Variants in IFT22 observed in about 807,000 individuals in gnomAD.
IFT22 encodes intraflagellar transport protein 22 homolog.
A neutral mutation model predicts 21.0 loss-of-function variants in IFT22; 13 were observed. That is an observed-to-expected ratio of 0.62 (90% confidence interval 0.40 to 0.98). IFT22 has a LOEUF of 0.98. Among genes scored for constraint, IFT22 ranks in the 50% least tolerant of loss-of-function variants. IFT22 has a pLI of 0.00. For missense variants in IFT22, 227 were observed against 228.9 expected (o/e 0.99, Z 0.06); for synonymous variants, 67 against 82.4 (o/e 0.81, Z 1.01).
rs1007478917 is a variant in IFT22, at chr7:101,312,540, T to G, written c.*2594A>C. ...AATGTTTTGGAGAGAGTTGTTTTTT[T>G]TTTTTTTTTTTTTGTGACGGAGTCT... On this transcript the variant is annotated 3_prime_UTR_variant, in exon 5 of 5. Coordinates refer to ENST00000315322, the MANE Select transcript of IFT22 (RefSeq NM_022777.4). 4.8e-5 allele frequency among the ~76,000 whole-genome samples: 7 copies of G among 146,178 alleles called. No homozygotes were observed. Among genetic ancestry groups the G allele is most frequent in the African/African-American group, 1.5e-4 (6 of 39,122 alleles).
In IFT22 at chr7:101,320,495, G is replaced by A. The variant is rs1013075399; in HGVS notation, c.39+1176C>T. On this transcript the variant is annotated intron_variant, in intron 1 of 4. Coordinates refer to ENST00000315322, the MANE Select transcript of IFT22 (RefSeq NM_022777.4). ...AGGATGGTCTCGATCTCCTGACCTT[G>A]TGATATGCCTGCCTCGGCCTCCCAA... 5.5e-4 allele frequency among the ~76,000 whole-genome samples: 82 copies of A among 149,568 alleles called. No individual in the cohort carries two copies. The Middle Eastern group carries it at 0.01, about 19-fold the overall frequency.
chr7:101,315,654 C>T (rs1790122669), intron 4 of IFT22: 1 of 242,366 alleles, frequency 4.1e-6, no homozygotes, highest in Non-Finnish European at 8.0e-6. Context: ...CCTAGTTGTA[C>T]CCAAGAATAG....
In IFT22 at chr7:101,311,213, G is replaced by C. The variant is rs1024978681; in HGVS notation, c.*3921C>G. On this transcript the variant is annotated 3_prime_UTR_variant, in exon 5 of 5. Transcript: ENST00000315322. ...TTTCACTGTTAGCCAGGATGGTCTCGATCTCTTAACCTCGTAATCCACCCG... is the reference window on the plus strand; with the variant it reads ...TTTCACTGTTAGCCAGGATGGTCTCCATCTCTTAACCTCGTAATCCACCCG... Among the ~76,000 whole-genome samples, 1 of 151,930 alleles carries C rather than the reference G, an allele frequency of 6.6e-6. No individual in the cohort carries two copies. Among genetic ancestry groups the C allele is most frequent in the Non-Finnish European group, 1.5e-5 (1 of 67,996 alleles).
chr7:101,310,957 G>A lies in IFT22; in HGVS notation c.*4177C>T, dbSNP rs1789966375. On this transcript the variant is annotated 3_prime_UTR_variant, in exon 5 of 5. Coordinates refer to ENST00000315322, the MANE Select transcript of IFT22 (RefSeq NM_022777.4). The stretch of plus-strand genomic sequence containing the variant: ...TCAAATATTTAATGGGTTGTACTCT[G>A]GCCATTCAGGTGAACAAAATCTGCT... 2 of 311,440 alleles carry A rather than the reference G, an allele frequency of 6.4e-6. No individual in the cohort carries two copies. Among genetic ancestry groups the A allele is most frequent in the South Asian group, 2.8e-5 (1 of 35,934 alleles). The allele number at this position is 311,440 out of a possible 1,614,324, so 19.3% of individuals were successfully genotyped here. A position where few individuals can be genotyped will look rare whatever the true frequency, so the allele number is the denominator to read the frequency against.
chr7:101,313,855 C>G lies in IFT22; in HGVS notation c.*1279G>C, dbSNP rs1188549583. On this transcript the variant is annotated 3_prime_UTR_variant, in exon 5 of 5. Coordinates refer to ENST00000315322, the MANE Select transcript of IFT22 (RefSeq NM_022777.4). ...AAACTTATTTAGACTTCTTCTTAAA[C>G]ATTTAATGTAATTTAATTTATTTGA... 2 of 142,168 alleles carry G rather than the reference C, an allele frequency of 1.4e-5. No homozygotes were observed. The highest frequency in any genetic ancestry group is 5.6e-5 in the African/African-American group (2 of 35,466). The allele number at this position is 142,168 out of a possible 1,614,324, so 8.8% of individuals were successfully genotyped here.
In IFT22 at chr7:101,313,208, G is replaced by C. The variant is rs745564488; in HGVS notation, c.*1926C>G. The stretch of plus-strand genomic sequence containing the variant: ...ACAGGTGTGTGCCAACATGCCTGGC[G>C]AATTTTTGTATTTTTAGTAGAGATG... On this transcript the variant is annotated 3_prime_UTR_variant, in exon 5 of 5. Coordinates refer to ENST00000315322, the MANE Select transcript of IFT22 (RefSeq NM_022777.4). Among the ~76,000 whole-genome samples the C allele has an allele frequency of 6.6e-6, 1 of 151,776 alleles. No individual in the cohort carries two copies. Among genetic ancestry groups the C allele is most frequent in the Non-Finnish European group, 1.5e-5 (1 of 67,954 alleles).
Position 101,312,528 on chromosome 7 carries a change from G to C in IFT22, c.*2606C>G, listed in dbSNP as rs556431310. 7.2e-4 allele frequency among the ~76,000 whole-genome samples: 100 copies of C among 138,024 alleles called. No homozygotes were observed. Among genetic ancestry groups the C allele is most frequent in the African/African-American group, 2.5e-3 (94 of 37,322 alleles). The allele number at this position is 138,024 out of a possible 152,430, so 90.5% of individuals were successfully genotyped here. The stretch of plus-strand genomic sequence containing the variant: ...CTAAATAAATATAATGTTTTGGAGA[G>C]AGTTGTTTTTTTTTTTTTTTTTTTT... On this transcript the variant is annotated 3_prime_UTR_variant, in exon 5 of 5. Transcript: ENST00000315322.
intron 4 of IFT22, 48 bp downstream of exon 4, chr7:101,316,292 T>C (rs1234975094): frequency 1.3e-6 from 2 of 1,576,018 alleles, no homozygotes; most frequent in East Asian, 2.2e-5. Context: ...TATGTAGGTG[T>C]CCAAAACATT....
intron 4 of IFT22, chr7:101,316,139 C>T (rs1584309789): frequency 1.8e-6 from 1 of 561,198 alleles, no homozygotes; most frequent in Non-Finnish European, 3.2e-6. Context: ...GCTGGGAGTA[C>T]AGGCGCCTGC....
chr7:101,318,028 A>G (rs1790213266), intron 3 of IFT22, 96 bp downstream of exon 3: 1 of 1,040,378 alleles, frequency 9.6e-7, no homozygotes, highest in African/African-American at 1.6e-5. Flanking sequence ...TTGGCCTCCC[A>G]AAGTGCTGGA....
Position 101,313,090 on chromosome 7 carries a change from T to A in IFT22, c.*2044A>T, listed in dbSNP as rs1790023660. On this transcript the variant is annotated 3_prime_UTR_variant, in exon 5 of 5. Transcript: ENST00000315322. ...CTCAGGATTTCCACCCGTCTCAGAC[T>A]CCCAAAGTGTTGGGATTACAGGCGT... 1.3e-5 allele frequency among the ~76,000 whole-genome samples: 2 copies of A among 152,282 alleles called. No individual in the cohort carries two copies. The highest frequency in any genetic ancestry group is 4.8e-5 in the African/African-American group (2 of 41,590).
At position 101,312,283 on chromosome 7, in the gene IFT22, T is replaced by G. The variant is rs551447120; in HGVS notation, c.*2851A>C. On this transcript the variant is annotated 3_prime_UTR_variant, in exon 5 of 5. Coordinates refer to ENST00000315322, the MANE Select transcript of IFT22 (RefSeq NM_022777.4). ...GCCAGGCGTGCACTAATTAGTGGGC[T>G]GGACCATTACTGGTGTGTGTATCTC... 6.0e-4 allele frequency among the ~76,000 whole-genome samples: 91 copies of G among 152,174 alleles called. No individual in the cohort carries two copies. Among genetic ancestry groups the G allele is most frequent in the African/African-American group, 2.1e-3 (87 of 41,540 alleles).
chr7:101,317,304 G>A (rs146908147), intron 3 of IFT22, among the ~76,000 whole-genome samples: 8 of 152,106 alleles, frequency 5.3e-5, no homozygotes, highest in Non-Finnish European at 4.4e-5. Context: ...ACACACCACC[G>A]TACTGGGCTA....
chr7:101,318,815 T>C, intron 2 of IFT22, 141 bp downstream of exon 2: 1 of 625,914 alleles, frequency 1.6e-6, no homozygotes, highest in Non-Finnish European at 2.9e-6. Flanking sequence ...GTTTTATTTT[T>C]AGTTGAGACG....
chr7:101,311,870 C>T lies in IFT22; in HGVS notation c.*3264G>A, dbSNP rs1789986820. On this transcript the variant is annotated 3_prime_UTR_variant, in exon 5 of 5. Transcript: ENST00000315322. ...TAAAAATACAAAAATTAGCCGGGTGCAGTGGCAGGCACCTGTAATCCCAGC... is the reference window on the plus strand; with the variant it reads ...TAAAAATACAAAAATTAGCCGGGTGTAGTGGCAGGCACCTGTAATCCCAGC... 6.6e-6 allele frequency among the ~76,000 whole-genome samples: 1 copy of T among 151,908 alleles called. No homozygotes were observed. The highest frequency in any genetic ancestry group is 2.1e-4 in the South Asian group (1 of 4,820).
rs957668330 is a variant in IFT22 at position 101,321,562 on chromosome 7, G to A, written c.39+109C>T. 6 of 1,211,770 alleles carry A rather than the reference G, an allele frequency of 5.0e-6. No homozygotes were observed. In the African/African-American group the frequency reaches 9.4e-5, roughly 19 times the overall value. 75.1% of individuals were successfully genotyped at this position (1,211,770 alleles called of 1,614,324 possible). On this transcript the variant is annotated intron_variant, in intron 1 of 4. Transcript: ENST00000315322. ...AGTCGGGATGGGCGCGGTGGGCCCG[G>A]GTTCCCGCCTCCGGGAGCAAGCCGC...
rs776119398 is a variant in IFT22 at position 101,312,530 on chromosome 7, G to GT, written c.*2603dup. On this transcript the variant is annotated 3_prime_UTR_variant, in exon 5 of 5. Transcript: ENST00000315322. Reference sequence around the variant, plus strand: ...AAATAAATATAATGTTTTGGAGAGAGTTGTTTTTTTTTTTTTTTTTTTTGT... The same window carrying GT: ...AAATAAATATAATGTTTTGGAGAGAGTTTGTTTTTTTTTTTTTTTTTTTTGT... Among the ~76,000 whole-genome samples the GT allele has an allele frequency of 0.14, 17,479 of 124,420 alleles. 1,343 individuals carry two copies. Among genetic ancestry groups the GT allele is most frequent in the East Asian group, 0.3 (1,173 of 3,970 alleles). 81.6% of individuals were successfully genotyped at this position (124,420 alleles called of 152,430 possible).
rs1442450090 is a variant in IFT22, at chr7:101,312,265, G to T, written c.*2869C>A. On this transcript the variant is annotated 3_prime_UTR_variant, in exon 5 of 5. Transcript: ENST00000315322. Reference sequence around the variant, plus strand: ...CAAAAAGTACAAAAATTAGCCAGGCGTGCACTAATTAGTGGGCTGGACCAT... The same window carrying T: ...CAAAAAGTACAAAAATTAGCCAGGCTTGCACTAATTAGTGGGCTGGACCAT... 6.6e-6 allele frequency among the ~76,000 whole-genome samples: 1 copy of T among 151,858 alleles called. No individual in the cohort carries two copies. The highest frequency in any genetic ancestry group is 1.9e-4 in the East Asian group (1 of 5,166).
intron 1 of IFT22, among the ~76,000 whole-genome samples, chr7:101,320,522 G>A (rs1223824371): frequency 4.1e-5 from 6 of 147,504 alleles, no homozygotes; most frequent in Non-Finnish European, 1.5e-5. Flanking sequence ...GCCTCCCAAA[G>A]TGCTGGGATT....
Sources: allele counts gnomAD v4.1 joint callset (sites outside exome capture counted in the v4.1 genomes callset), GRCh38; gene constraint gnomAD v4.1.1; transcripts MANE v1.5; gene names NCBI Gene and HGNC (gene_info 2026-07-23, HGNC 2026-07-21).